Variants in TSPAN15 observed in about 807,000 individuals in gnomAD.
The protein encoded by TSPAN15 is tetraspanin-15.
Under a neutral mutation model 34.5 loss-of-function variants are expected in TSPAN15, and 20 were observed. The observed-to-expected ratio is 0.58, with a 90% CI of 0.41 to 0.84. The LOEUF is 0.84. TSPAN15 is among the 40% of genes least tolerant of loss of function. The probability of loss-of-function intolerance (pLI) is 0.00; values close to 1 mark genes in which losing one functional copy is unlikely to be tolerated. For missense variants in TSPAN15, 313 were observed against 386.1 expected (o/e 0.81, Z 1.59); for synonymous variants, 155 against 153.9 (o/e 1.01, Z -0.05).
At position 69,504,294 on chromosome 10, in the gene TSPAN15, C is replaced by G. The variant is rs1842278072; in HGVS notation, c.571-144C>G. ...GGTTATGATGGAGACTCAAGCCAGA[C>G]TGCCTGGGTCGGAATCTCAGCTCCA... On this transcript the variant is annotated intron_variant, in intron 5 of 7. Transcript: ENST00000373290. The G allele has an allele frequency of 6.3e-6, 4 of 630,078 alleles. No homozygotes were observed. The Admixed American group carries it at 1.1e-4, about 18-fold the overall frequency. 39.0% of individuals were successfully genotyped at this position (630,078 alleles called of 1,614,324 possible).
intron 2 of TSPAN15, chr10:69,484,079 A>G: frequency 2.0e-6 from 1 of 512,690 alleles, no homozygotes; most frequent in South Asian, 4.0e-5. Context: ...TGATTTGAAT[A>G]CTGTTCTTAC....
chr10:69,483,139 C>G (rs1841773535), intron 1 of TSPAN15, among the ~76,000 whole-genome samples: 1 of 152,172 alleles, frequency 6.6e-6, no homozygotes, highest in Non-Finnish European at 1.5e-5. Flanking sequence ...CAGGTGCCCG[C>G]CACTATGCCC....
chr10:69,506,982 C>G lies in TSPAN15; in HGVS notation c.*4C>G. 6.8e-6 allele frequency: 11 copies of G among 1,607,412 alleles called. No individual in the cohort carries two copies. Among genetic ancestry groups the G allele is most frequent in the Non-Finnish European group, 9.3e-6 (11 of 1,177,942 alleles). On this transcript the variant is annotated 3_prime_UTR_variant, in exon 8 of 8. Transcript: ENST00000373290. The surrounding 1 kb of genome is among the most constrained non-coding windows in gnomAD (Gnocchi z 4.7). ...CTGCTTGTGCTACCCCAATTAGGGC[C>G]CAGCCTGCCATGGCAGCTCCAACAA...
rs1274536683 is a variant in TSPAN15 at position 69,504,635 on chromosome 10, TCCAC to T, written c.618+153_618+156del. ...CCCAGAGCCAGGACTGCTGTGGTTT[TCCAC>T]CCCAGCACAGAAGGGCTCAGGGAAC... On this transcript the variant is annotated intron_variant, in intron 6 of 7. Transcript: ENST00000373290. The T allele has an allele frequency of 3.7e-6, 3 of 806,074 alleles. No individual in the cohort carries two copies. The African/African-American group carries it at 5.1e-5, about 14-fold the overall frequency. The allele number at this position is 806,074 out of a possible 1,614,324, so 49.9% of individuals were successfully genotyped here.
chr10:69,460,711 G>T (rs1841233373), intron 1 of TSPAN15, among the ~76,000 whole-genome samples: 1 of 152,130 alleles, frequency 6.6e-6, no homozygotes, highest in African/African-American at 2.4e-5. Context: ...TGGACAGGGG[G>T]TCTTGTCCTG....
At chr10:69,507,819 A>G (rs2133173790), downstream of TSPAN15, 1 of 488,566 alleles carries the variant, frequency 2.0e-6, no homozygotes, top group South Asian at 2.1e-5. Context: ...GTTGGGGGGA[A>G]AGCCTCAGGG....
At chr10:69,473,284 T>A (rs1475183370) in intron 1 of TSPAN15, among the ~76,000 whole-genome samples, 6 of 152,168 alleles carry the variant, frequency 3.9e-5, no homozygotes, top group Non-Finnish European at 1.5e-5. Flanking sequence ...GGCTTTGAGC[T>A]GAGCTTGGAG....
At chr10:69,521,581 GAATA>G in the TSPAN15 span, among the ~76,000 whole-genome samples, 3 of 146,938 alleles carry the variant, frequency 2.0e-5, no homozygotes, top group South Asian at 4.3e-4. Context: ...TATCAAAAAT[GAATA>G]AATAAATAAA....
the TSPAN15 span, among the ~76,000 whole-genome samples, chr10:69,535,361 G>A: frequency 0.5 from 75,643 of 151,878 alleles, 19,609 homozygotes; most frequent in East Asian, 0.9. Flanking sequence ...TTCAATGAGG[G>A]TAATAATTAT....
chr10:69,479,446 T>C (rs1428241046), intron 1 of TSPAN15, among the ~76,000 whole-genome samples: 1 of 152,256 alleles, frequency 6.6e-6, no homozygotes, highest in Non-Finnish European at 1.5e-5. Flanking sequence ...TCACAAAGCC[T>C]GGGCTTTTGG....
chr10:69,470,361 C>T (rs1361055913), intron 1 of TSPAN15, among the ~76,000 whole-genome samples: 2 of 152,240 alleles, frequency 1.3e-5, no homozygotes, highest in Non-Finnish European at 2.9e-5. Context: ...AACACATAGG[C>T]TGATGTGAAA....
At chr10:69,466,446 A>G (rs1841386908) in intron 1 of TSPAN15, among the ~76,000 whole-genome samples, 1 of 152,210 alleles carries the variant, frequency 6.6e-6, no homozygotes, top group African/African-American at 2.4e-5. Context: ...ACATTTAAAC[A>G]TTTTAATATG....
intron 1 of TSPAN15, among the ~76,000 whole-genome samples, chr10:69,464,006 G>A (rs1000408689): frequency 2.6e-5 from 4 of 152,168 alleles, no homozygotes; most frequent in African/African-American, 7.2e-5. Context: ...GATATGAGAC[G>A]GACAGAAGAG....
intron 3 of TSPAN15, among the ~76,000 whole-genome samples, chr10:69,487,106 GGCTGGAGCCCAGGTCCA>G (rs1216458889): frequency 6.6e-6 from 1 of 151,970 alleles, no homozygotes; most frequent in Non-Finnish European, 1.5e-5. Context: ...GTGCTTTCCT[GGCTGGAGCCCAGGTCCA>G]GTTTGTGGCC....
chr10:69,518,489 T>G, the TSPAN15 span, among the ~76,000 whole-genome samples: 2 of 152,266 alleles, frequency 1.3e-5, no homozygotes, highest in East Asian at 3.8e-4. Flanking sequence ...AGTGATGTGA[T>G]CTCTGCTCAC....
chr10:69,493,295 G>T (rs7088965), intron 3 of TSPAN15, among the ~76,000 whole-genome samples: 2,585 of 152,064 alleles, frequency 0.017, 76 homozygotes, highest in African/African-American at 0.06. Context: ...TGCCAGGTCC[G>T]CGAAGGGCCA....
chr10:69,476,413 TG>T (rs1841614626), intron 1 of TSPAN15, among the ~76,000 whole-genome samples: 1 of 151,894 alleles, frequency 6.6e-6, no homozygotes, highest in Non-Finnish European at 1.5e-5. Context: ...CAAACAAAGT[TG>T]GGCATGGCGG....
chr10:69,479,295 C>A (rs1007318551), intron 1 of TSPAN15, among the ~76,000 whole-genome samples: 5 of 152,238 alleles, frequency 3.3e-5, no homozygotes, highest in African/African-American at 4.8e-5. Flanking sequence ...CTCACAGAGT[C>A]TCCTGCTTCC....
intron 3 of TSPAN15, chr10:69,494,851 C>T (rs531264968): frequency 3.0e-5 from 30 of 985,600 alleles, no homozygotes; most frequent in South Asian, 2.8e-4. Flanking sequence ...CTCCTGCCCC[C>T]GCCCCTTCCC....
Sources: allele counts gnomAD v4.1 joint callset (sites outside exome capture counted in the v4.1 genomes callset), GRCh38; gene constraint gnomAD v4.1.1; non-coding constraint Gnocchi (gnomAD v3.1); transcripts MANE v1.5; gene names NCBI Gene and HGNC (gene_info 2026-07-23, HGNC 2026-07-21).